Variants in BEND4 observed in about 807,000 individuals in gnomAD.
The protein encoded by BEND4 is BEN domain-containing protein 4.
A neutral mutation model predicts 54.7 loss-of-function variants in BEND4; 27 were observed. The observed-to-expected ratio is 0.49, with a 90% CI of 0.36 to 0.68. The LOEUF (loss-of-function observed/expected upper bound fraction) is 0.68. BEND4 is among the 30% of genes least tolerant of loss of function. BEND4 has a pLI of 0.00. For missense variants in BEND4, 702 were observed against 697.2 expected, an observed-to-expected ratio of 1.01 and a Z score of -0.08; for synonymous variants, 327 against 299.5, an observed-to-expected ratio of 1.09 and a Z score of -0.95.
intron 3 of BEND4, among the ~76,000 whole-genome samples, chr4:42,142,579 G>C (rs1720926391): frequency 6.8e-6 from 1 of 147,126 alleles, no homozygotes; most frequent in Admixed American, 6.9e-5. Flanking sequence ...GTTGCAGTGA[G>C]CCCACACGGT....
chr4:42,123,700 A>AAAACAAAAAAAC (rs1553921978), intron 4 of BEND4, among the ~76,000 whole-genome samples: 1 of 128,308 alleles, frequency 7.8e-6, no homozygotes, highest in Non-Finnish European at 1.7e-5. Context: ...TTCAGAAAAA[A>AAAACAAAAAAAC]AAAAAAAAAA....
chr4:42,132,826 G>C (rs182131462), intron 3 of BEND4, among the ~76,000 whole-genome samples: 1 of 152,136 alleles, frequency 6.6e-6, no homozygotes. Flanking sequence ...TCATTCATTT[G>C]TCCATTCTAC....
chr4:42,130,519 T>C (rs1720469700), intron 3 of BEND4, among the ~76,000 whole-genome samples: 1 of 147,586 alleles, frequency 6.8e-6, no homozygotes, highest in Non-Finnish European at 1.5e-5. Flanking sequence ...TGAGATACCA[T>C]CTCATGATAA....
Position 42,148,332 on chromosome 4 carries a change from C to A in BEND4, c.487+3325G>T, listed in dbSNP as rs1330820799. On this transcript the variant is annotated intron_variant, in intron 2 of 5. Coordinates refer to ENST00000502486, the MANE Select transcript of BEND4 (RefSeq NM_207406.4). Reference sequence around the variant, plus strand: ...ATGGAATTTTTCTAAATAAATAAATCAATGATGTGTCAAAAATTAACAGAT... The same window carrying A: ...ATGGAATTTTTCTAAATAAATAAATAAATGATGTGTCAAAAATTAACAGAT... Among the ~76,000 whole-genome samples the A allele has an allele frequency of 6.6e-5, 10 of 152,176 alleles. No homozygotes were observed. In the East Asian group the frequency reaches 1.9e-3, roughly 29 times the overall value.
chr4:42,152,325 G>C lies in BEND4; in HGVS notation c.-182C>G, dbSNP rs911934234. ...CTGAGGCTGGCATCGCCGAGCCCCCGCGCGGGGGGCTGCCGCCCGAGCTCC... is the reference window on the plus strand; with the variant it reads ...CTGAGGCTGGCATCGCCGAGCCCCCCCGCGGGGGGCTGCCGCCCGAGCTCC... On this transcript the variant is annotated 5_prime_UTR_variant, in exon 2 of 6. Coordinates refer to ENST00000502486, the MANE Select transcript of BEND4 (RefSeq NM_207406.4). The C allele has an allele frequency of 4.2e-5, 18 of 429,180 alleles. No individual in the cohort carries two copies. In the Admixed American group the frequency reaches 7.6e-4, roughly 18 times the overall value. The allele number at this position is 429,180 out of a possible 1,614,324, so 26.6% of individuals were successfully genotyped here. A position where few individuals can be genotyped will look rare whatever the true frequency, so the allele number is the denominator to read the frequency against.
rs1321950978 is a variant in BEND4, at chr4:42,151,880, G to A, written c.264C>T (p.Pro88=). 1.5e-6 allele frequency: 2 copies of A among 1,302,314 alleles called. No homozygotes were observed. Among genetic ancestry groups the A allele is most frequent in the Non-Finnish European group, 1.9e-6 (2 of 1,034,260 alleles). 80.7% of individuals were successfully genotyped at this position (1,302,314 alleles called of 1,614,324 possible). A position where few individuals can be genotyped will look rare whatever the true frequency, so the allele number is the denominator to read the frequency against. Residue 88 remains proline, a synonymous_variant, in exon 2 of 6, where the codon CCC becomes CCT. Coordinates refer to ENST00000502486, the MANE Select transcript of BEND4 (RefSeq NM_207406.4). ...CGGCGGCGGCGGCCCGGCCGGGCCC[G>A]GGGGGGTAGGAGCTCTGCGCCTGGA... is the stretch of plus-strand genomic sequence containing the variant. The part of the protein sequence containing the change: ...QQFQAQSSYP[P]GPGRAAAAAS...
chr4:42,136,296 T>C (rs1421690901), intron 3 of BEND4, among the ~76,000 whole-genome samples: 1 of 152,162 alleles, frequency 6.6e-6, no homozygotes, highest in Non-Finnish European at 1.5e-5. Flanking sequence ...ATTCCTGTTA[T>C]CCAAAAACTG....
chr4:42,122,550 C>G (rs534897590), intron 4 of BEND4, among the ~76,000 whole-genome samples: 2 of 152,206 alleles, frequency 1.3e-5, no homozygotes, highest in East Asian at 3.9e-4. Flanking sequence ...TTTTTTTAAC[C>G]ACTGAATATA....
At chr4:42,137,728 A>C (rs947945061) in intron 3 of BEND4, among the ~76,000 whole-genome samples, 1 of 152,230 alleles carries the variant, frequency 6.6e-6, no homozygotes, top group Non-Finnish European at 1.5e-5. Context: ...CATGGGGTTA[A>C]TATCTAAAGA....
At chr4:42,127,964 A>G (rs956433821) in intron 3 of BEND4, among the ~76,000 whole-genome samples, 1 of 152,008 alleles carries the variant, frequency 6.6e-6, no homozygotes, top group African/African-American at 2.4e-5. Context: ...GGAGATTGAG[A>G]CTAGCCTCGG....
At position 42,117,687 on chromosome 4, in the gene BEND4, G is replaced by A; in HGVS notation, c.1436C>T (p.Ser479Leu). ...CTSNPDWWMP[S>L]EEQINKVFSD... is the part of the protein sequence containing the mutation. ...GAACACTTTGTTTATCTGCTCTTCC[G>A]AGGGCATCCACCAATCGGGGTTGGA... The change falls in exon 6 of 6, where the codon TCG (serine) becomes TTG (leucine). Residue 479 changes from serine (S) to leucine (L), a missense_variant. By Grantham distance (145) the Ser-to-Leu change is moderately radical (BLOSUM62 -2). Coordinates refer to ENST00000502486, the MANE Select transcript of BEND4 (RefSeq NM_207406.4). 1.9e-6 allele frequency: 3 copies of A among 1,609,988 alleles called. No individual in the cohort carries two copies. Among genetic ancestry groups the A allele is most frequent in the Non-Finnish European group, 2.5e-6 (3 of 1,178,110 alleles).
chr4:42,116,308 A>G lies in BEND4; in HGVS notation c.*1210T>C, dbSNP rs1719828476. On this transcript the variant is annotated 3_prime_UTR_variant, in exon 6 of 6. Transcript: ENST00000502486. Reference sequence around the variant, plus strand: ...GAGTCCAAACAGGAAGCCCTCAGAAATGATGACTCTAGCACCTCTATAGCA... The same window carrying G: ...GAGTCCAAACAGGAAGCCCTCAGAAGTGATGACTCTAGCACCTCTATAGCA... The G allele has an allele frequency of 6.6e-6, 1 of 152,224 alleles. No individual in the cohort carries two copies. The highest frequency in any genetic ancestry group is 1.5e-5 in the Non-Finnish European group (1 of 68,038). 9.4% of individuals were successfully genotyped at this position (152,224 alleles called of 1,614,324 possible).
In BEND4 at chr4:42,112,768, T is replaced by C. The variant is rs908638713; in HGVS notation, c.*4750A>G. 6.6e-6 allele frequency: 1 copy of C among 152,126 alleles called. No homozygotes were observed. Among genetic ancestry groups the C allele is most frequent in the African/African-American group, 2.4e-5 (1 of 41,418 alleles). The allele number at this position is 152,126 out of a possible 1,614,324, so 9.4% of individuals were successfully genotyped here. ...CAGTTAAACTTTTACATTTTACATT[T>C]AGAAGGCAAATATTGATGGGTTATT... On this transcript the variant is annotated 3_prime_UTR_variant, in exon 6 of 6. Transcript: ENST00000502486.
At chr4:42,123,822 T>C (rs1262825283) in intron 4 of BEND4, among the ~76,000 whole-genome samples, 1 of 152,000 alleles carries the variant, frequency 6.6e-6, no homozygotes, top group Admixed American at 6.6e-5. Context: ...TGTAGAATTC[T>C]TAGACGTAGG....
intron 3 of BEND4, 70 bp from the exon 4 acceptor site, chr4:42,125,744 A>C (rs1720254172): frequency 2.7e-6 from 3 of 1,114,712 alleles, no homozygotes; most frequent in Non-Finnish European, 3.8e-6. Context: ...AATTTTTTAA[A>C]GTTTTTTTTT....
chr4:42,141,523 G>C (rs527766155), intron 3 of BEND4, among the ~76,000 whole-genome samples: 14 of 152,326 alleles, frequency 9.2e-5, no homozygotes, highest in Admixed American at 6.5e-4. Context: ...CCTGAAGTCA[G>C]GAGTTCGAGA....
At position 42,115,605 on chromosome 4, in the gene BEND4, A is replaced by G. The variant is rs1270279684; in HGVS notation, c.*1913T>C. 2.6e-5 allele frequency: 4 copies of G among 152,212 alleles called. No individual in the cohort carries two copies. The highest frequency in any genetic ancestry group is 4.4e-5 in the Non-Finnish European group (3 of 68,036). 9.4% of individuals were successfully genotyped at this position (152,212 alleles called of 1,614,324 possible). On this transcript the variant is annotated 3_prime_UTR_variant, in exon 6 of 6. Transcript: ENST00000502486. ...AAATTAAGGTAAGATGGAAAAACAG[A>G]TGAGGCTATGGTGGTGTTTTTCTTC...
chr4:42,123,548 G>A (rs761122656), intron 4 of BEND4, among the ~76,000 whole-genome samples: 8 of 151,996 alleles, frequency 5.3e-5, no homozygotes, highest in Non-Finnish European at 8.8e-5. Flanking sequence ...CAAAGCAGGG[G>A]TGTGGCAGTC....
chr4:42,134,573 T>C (rs1284959431), intron 3 of BEND4, among the ~76,000 whole-genome samples: 1 of 152,238 alleles, frequency 6.6e-6, no homozygotes, highest in Admixed American at 6.5e-5. Context: ...AAGATGACTT[T>C]GCGTCTCTGT....
Sources: gnomAD v4.1 joint callset for allele counts (sites outside exome capture counted in the v4.1 genomes callset) on GRCh38, gnomAD v4.1.1 for gene constraint, MANE v1.5 for transcripts, NCBI Gene and HGNC (gene_info 2026-07-23, HGNC 2026-07-21) for gene names.